The following ABCD3 variants were observed in gnomAD, a reference collection of about 807,000 sequenced individuals.
ABCD3 encodes ATP binding cassette subfamily D member 3.
Under a neutral mutation model 105.5 loss-of-function variants are expected in ABCD3, and 41 were observed. The observed-to-expected ratio is 0.39, with a 90% CI of 0.30 to 0.50. The LOEUF is 0.50. Ranked by LOEUF, ABCD3 falls within the 20% of genes least tolerant of loss-of-function variation. The pLI is 0.84. For missense variants in ABCD3, 622 were observed against 806.3 expected (o/e 0.77, Z 2.77); for synonymous variants, 258 against 269.0 (o/e 0.96, Z 0.40).
chr1:94,509,172 T>C (rs1650521595), intron 21 of ABCD3, among the ~76,000 whole-genome samples: 1 of 152,180 alleles, frequency 6.6e-6, no homozygotes, highest in Admixed American at 6.6e-5. Context: ...CAATACCTAA[T>C]TTATTGAGAG....
At chr1:94,457,964 T>G (rs1647662648) in intron 1 of ABCD3, among the ~76,000 whole-genome samples, 1 of 152,118 alleles carries the variant, frequency 6.6e-6, no homozygotes, top group Admixed American at 6.5e-5. Flanking sequence ...ATTTAAAACG[T>G]GATCAATGTT....
chr1:94,501,831 C>T (rs1316323342), intron 20 of ABCD3, among the ~76,000 whole-genome samples: 3 of 151,480 alleles, frequency 2.0e-5, no homozygotes, highest in African/African-American at 7.3e-5. Context: ...AGAGATACCA[C>T]TGTTATAAAA....
chr1:94,483,092 C>A, intron 9 of ABCD3, 78 bp from the exon 10 acceptor site: 2 of 918,804 alleles, frequency 2.2e-6, no homozygotes, highest in Non-Finnish European at 3.5e-6. Context: ...AAACATTCAG[C>A]CATCATATAC....
chr1:94,515,671 T>C (rs1223400086), intron 22 of ABCD3, among the ~76,000 whole-genome samples: 1 of 152,026 alleles, frequency 6.6e-6, no homozygotes, highest in Admixed American at 6.6e-5. Flanking sequence ...TACAAAGATA[T>C]TCAAATGAGG....
chr1:94,483,286 TTTG>T, intron 10 of ABCD3, 47 bp downstream of exon 10: 1 of 1,430,188 alleles, frequency 7.0e-7, no homozygotes, highest in Non-Finnish European at 9.9e-7. Flanking sequence ...AAGGGTTTTT[TTTG>T]TTTGTTTGTT....
At chr1:94,443,693 T>G (rs538905418) in intron 1 of ABCD3, among the ~76,000 whole-genome samples, 6 of 152,338 alleles carry the variant, frequency 3.9e-5, no homozygotes, top group African/African-American at 1.4e-4. Context: ...AGTTTCATTC[T>G]ACATGGCTAT....
intron 3 of ABCD3, among the ~76,000 whole-genome samples, chr1:94,465,431 A>C (rs1472394373): frequency 6.6e-6 from 1 of 152,194 alleles, no homozygotes; most frequent in African/African-American, 2.4e-5. Context: ...CCTGTCATAC[A>C]AAAAACCTTG....
Position 94,483,182 on chromosome 1 carries a change from C to CTAA in ABCD3, c.841_842insAAT (p.Ala280_Phe281insTer). 1 of 1,609,960 alleles carries CTAA rather than the reference C, an allele frequency of 6.2e-7. No homozygotes were observed. The highest frequency in any genetic ancestry group is 1.1e-5 in the South Asian group (1 of 90,972). On this transcript the variant is annotated stop_gained and inframe_insertion, in exon 10 of 23. Coordinates refer to ENST00000370214, the MANE Select transcript of ABCD3 (RefSeq NM_002858.4). LOFTEE classifies it high-confidence loss of function. ...TTTTCTTTAATAGTGAAGAAATTGC[C>CTAA]TTTTACAATGGGAATAAAAGAGAAA...
At chr1:94,388,993 A>G in the ABCD3 span, among the ~76,000 whole-genome samples, 1 of 152,058 alleles carries the variant, frequency 6.6e-6, no homozygotes, top group African/African-American at 2.4e-5. Context: ...CTGGCTTCCA[A>G]CCATATTGGG....
chr1:94,489,416 G>A (rs898622398), intron 13 of ABCD3, among the ~76,000 whole-genome samples: 1 of 151,998 alleles, frequency 6.6e-6, no homozygotes, highest in African/African-American at 2.4e-5. Flanking sequence ...TACTAGTAGT[G>A]GTCCTTTTGT....
rs564945199 is a variant in ABCD3 at position 94,470,378 on chromosome 1, C to G, written c.335+2371C>G. Among the ~76,000 whole-genome samples, 48 of 152,290 alleles carry G rather than the reference C, an allele frequency of 3.2e-4. 1 individual carries two copies. Among genetic ancestry groups the G allele is most frequent in the Middle Eastern group, 3.4e-3 (1 of 294 alleles). On this transcript the variant is annotated intron_variant, in intron 4 of 22. Transcript: ENST00000370214. ...CACTAGAGATTCTGATTCAATTAAT[C>G]AAACCTTTTTGAAGCATCTAGTGGA...
chr1:94,476,126 C>T (rs1648727810), intron 7 of ABCD3, among the ~76,000 whole-genome samples: 1 of 152,210 alleles, frequency 6.6e-6, no homozygotes, highest in Non-Finnish European at 1.5e-5. Context: ...GCCCATTTCT[C>T]TGCTTCAGTA....
At position 94,491,197 on chromosome 1, in the gene ABCD3, C is replaced by T. The variant is rs1422985096; in HGVS notation, c.1336C>T (p.Pro446Ser). 1 of 1,611,710 alleles carries T rather than the reference C, an allele frequency of 6.2e-7. No individual in the cohort carries two copies. The highest frequency in any genetic ancestry group is 1.1e-5 in the South Asian group (1 of 90,960). ...ADNIIKFDHV[P>S]LATPNGDVLI... is the part of the protein sequence containing the mutation. ...TTTCCTCTATAGGTTTGATCATGTT[C>T]CTTTAGCAACGCCAAATGGAGATGT... is the stretch of plus-strand genomic sequence containing the variant. The change falls in exon 16 of 23, where the codon CCT (proline) becomes TCT (serine). Residue 446 changes from proline to serine, a missense_variant. Around this residue, in one of 4 missense-constraint regions of ABCD3, gnomAD observed 285 missense variants for 352.5 expected, o/e 0.81. Coordinates refer to ENST00000370214, the MANE Select transcript of ABCD3 (RefSeq NM_002858.4).
chr1:94,483,834 A>G lies in ABCD3; in HGVS notation c.897+595A>G, dbSNP rs1405993564. ...AAAGAGCTTCTGCACAGCAAAAGAA[A>G]CTACCATCAGAGTGAACAGGCAACC... On this transcript the variant is annotated intron_variant, in intron 10 of 22. Transcript: ENST00000370214. Among the ~76,000 whole-genome samples, 6 of 152,334 alleles carry G rather than the reference A, an allele frequency of 3.9e-5. No individual in the cohort carries two copies. In the East Asian group the frequency reaches 1.2e-3, roughly 29 times the overall value.
intron 21 of ABCD3, among the ~76,000 whole-genome samples, chr1:94,509,256 G>C (rs1392191537): frequency 6.6e-6 from 1 of 152,148 alleles, no homozygotes; most frequent in Non-Finnish European, 1.5e-5. Flanking sequence ...TGTGGTTTTT[G>C]TCTTTGGTTC....
At chr1:94,397,337 G>A in the ABCD3 span, among the ~76,000 whole-genome samples, 28 of 152,084 alleles carry the variant, frequency 1.8e-4, no homozygotes, top group African/African-American at 6.0e-4. Flanking sequence ...TCTGCTCCAG[G>A]ATCAAGTGGG....
intron 21 of ABCD3, among the ~76,000 whole-genome samples, chr1:94,512,315 A>C (rs971950159): frequency 6.6e-6 from 1 of 151,842 alleles, no homozygotes; most frequent in Non-Finnish European, 1.5e-5. Flanking sequence ...AAGATATCTC[A>C]TTGATATATA....
At chr1:94,469,355 AAATCAC>A (rs1340547902) in intron 4 of ABCD3, among the ~76,000 whole-genome samples, 3 of 152,112 alleles carry the variant, frequency 2.0e-5, no homozygotes, top group Non-Finnish European at 4.4e-5. Context: ...ATTTTTGGTT[AAATCAC>A]AATTTATTGT....
At chr1:94,442,593 A>G (rs960130533) in intron 1 of ABCD3, among the ~76,000 whole-genome samples, 2 of 152,154 alleles carry the variant, frequency 1.3e-5, no homozygotes, top group Non-Finnish European at 2.9e-5. Flanking sequence ...TGTTCTACCC[A>G]ATAGGTAATT....
Sources: allele counts gnomAD v4.1 joint callset (sites outside exome capture counted in the v4.1 genomes callset), GRCh38; gene constraint gnomAD v4.1.1; regional missense constraint gnomAD v4.1.1; transcripts MANE v1.5; gene names NCBI Gene and HGNC (gene_info 2026-07-23, HGNC 2026-07-21).